Variants in VPS13B observed in about 807,000 individuals in gnomAD.
VPS13B encodes the protein vacuolar protein sorting 13 homolog B.
Under a neutral mutation model 426.4 loss-of-function variants are expected in VPS13B, and 285 were observed. That is an observed-to-expected ratio of 0.67 (90% confidence interval 0.61 to 0.74). The LOEUF (loss-of-function observed/expected upper bound fraction) is 0.74. VPS13B is among the 30% of genes least tolerant of loss of function. The pLI, the probability that VPS13B is intolerant of heterozygous loss-of-function variation, is 0.00. For synonymous variants in VPS13B, 1,676 were observed against 1,676.4 expected, an observed-to-expected ratio of 1.00 and a Z score of 0.01; for missense variants, 4,537 against 4,782.6, an observed-to-expected ratio of 0.95 and a Z score of 1.51.
At chr8:99,621,144 T>C (rs2133892627) in intron 33 of VPS13B, among the ~76,000 whole-genome samples, 1 of 152,276 alleles carries the variant, frequency 6.6e-6, no homozygotes, top group South Asian at 2.1e-4. Context: ...TTGTTGTTGG[T>C]TTAAGAGCAC....
chr8:99,014,023 G>T, intron 2 of VPS13B, 88 bp downstream of exon 2: 1 of 1,472,052 alleles, frequency 6.8e-7, no homozygotes, highest in Non-Finnish European at 9.2e-7. Context: ...ACTTTATGCT[G>T]TAAAAACGTA....
At chr8:99,293,779 AC>A (rs1194935574) in intron 19 of VPS13B, among the ~76,000 whole-genome samples, 6 of 152,274 alleles carry the variant, frequency 3.9e-5, no homozygotes, top group African/African-American at 1.2e-4. Context: ...GCCAAAAAAT[AC>A]ATGAAAAAAT....
In VPS13B at chr8:99,837,966, G is replaced by T. The variant is rs569052908; in HGVS notation, c.9942+2228G>T. Among the ~76,000 whole-genome samples the T allele has an allele frequency of 4.5e-4, 69 of 152,294 alleles. 2 individuals carry two copies. In the South Asian group the frequency reaches 0.011, roughly 25 times the overall value. On this transcript the variant is annotated intron_variant, in intron 54 of 61. Transcript: ENST00000357162. ...AACTCCTTTAACTTTTTTCAGTCAA[G>T]CCCTCTGCTTCCATTGTATAAATAA...
Position 99,868,386 on chromosome 8 carries a change from G to T in VPS13B, c.11313G>T (p.Ser3771=), listed in dbSNP as rs753931096. ...GACACAAGGCCAAGGGTGTCATCTCGGGTGTGGGGAAAGGAATCATGGGGG... is the reference window on the plus strand; with the variant it reads ...GACACAAGGCCAAGGGTGTCATCTCTGGTGTGGGGAAAGGAATCATGGGGG... The part of the protein sequence containing the change: ...SAGHKAKGVI[S]GVGKGIMGVF... Residue 3771 remains serine, a synonymous_variant, in exon 59 of 62, where the codon TCG becomes TCT. Coordinates refer to ENST00000357162, the MANE Select transcript of VPS13B (RefSeq NM_152564.5). The T allele has an allele frequency of 1.2e-6, 2 of 1,614,146 alleles. No homozygotes were observed. Among genetic ancestry groups the T allele is most frequent in the East Asian group, 4.5e-5 (2 of 44,880 alleles).
chr8:99,809,900 G>A (rs1033624319), intron 44 of VPS13B, among the ~76,000 whole-genome samples: 102 of 152,118 alleles, frequency 6.7e-4, no homozygotes, highest in African/African-American at 2.3e-3. Flanking sequence ...ATCCACCAGC[G>A]GATAACCAAG....
intron 2 of VPS13B, among the ~76,000 whole-genome samples, chr8:99,022,818 G>T (rs1353581042): frequency 6.6e-6 from 1 of 151,844 alleles, no homozygotes; most frequent in African/African-American, 2.4e-5. Context: ...TTAGTATCAT[G>T]AATCTCATTG....
intron 51 of VPS13B, among the ~76,000 whole-genome samples, chr8:99,831,143 G>A (rs944406980): frequency 6.7e-6 from 1 of 148,430 alleles, no homozygotes; most frequent in African/African-American, 2.5e-5. Context: ...CATGATCTTG[G>A]CTCACTTCAA....
intron 34 of VPS13B, among the ~76,000 whole-genome samples, chr8:99,647,554 G>C (rs956496407): frequency 6.7e-6 from 1 of 149,072 alleles, no homozygotes; most frequent in African/African-American, 2.5e-5. Flanking sequence ...ACTCCAGCCT[G>C]GGCGAGAGAG....
At chr8:99,207,355 A>G (rs1814789645) in intron 17 of VPS13B, among the ~76,000 whole-genome samples, 1 of 152,184 alleles carries the variant, frequency 6.6e-6, no homozygotes, top group African/African-American at 2.4e-5. Context: ...TTAAAGACAC[A>G]CTTAGAATGT....
intron 21 of VPS13B, among the ~76,000 whole-genome samples, chr8:99,427,906 C>A (rs999446904): frequency 1.3e-5 from 2 of 152,084 alleles, no homozygotes; most frequent in African/African-American, 4.8e-5. Flanking sequence ...GCTACAGTAA[C>A]CAAAACAGCA....
chr8:99,772,061 T>C (rs961013320), intron 40 of VPS13B, among the ~76,000 whole-genome samples: 6 of 152,206 alleles, frequency 3.9e-5, no homozygotes, highest in African/African-American at 1.2e-4. Flanking sequence ...CTCCAGGGAG[T>C]TGGCCTTTGC....
At chr8:99,092,717 G>T (rs1249156726) in intron 3 of VPS13B, among the ~76,000 whole-genome samples, 1 of 151,972 alleles carries the variant, frequency 6.6e-6, no homozygotes, top group Non-Finnish European at 1.5e-5. Context: ...TATATACATT[G>T]TCAAAGTTTC....
intron 39 of VPS13B, among the ~76,000 whole-genome samples, chr8:99,750,585 G>C (rs562351580): frequency 6.6e-6 from 1 of 152,214 alleles, no homozygotes; most frequent in East Asian, 1.9e-4. Context: ...AAGAGCAGGA[G>C]ACCTTTGTAG....
At chr8:99,389,065 C>A (rs1328473384) in intron 20 of VPS13B, among the ~76,000 whole-genome samples, 1 of 152,074 alleles carries the variant, frequency 6.6e-6, no homozygotes, top group Non-Finnish European at 1.5e-5. Flanking sequence ...AGGAGAATCG[C>A]TTGAACCCGG....
At chr8:99,025,321 A>G (rs1056151832) in intron 2 of VPS13B, among the ~76,000 whole-genome samples, 4 of 152,090 alleles carry the variant, frequency 2.6e-5, no homozygotes, top group Non-Finnish European at 2.9e-5. Context: ...CTTCAGTACT[A>G]TGTTGAATAA....
At chr8:99,282,620 T>C (rs1194971178) in intron 19 of VPS13B, among the ~76,000 whole-genome samples, 1 of 152,218 alleles carries the variant, frequency 6.6e-6, no homozygotes, top group Non-Finnish European at 1.5e-5. Context: ...TTAGCTGTAG[T>C]CACTTGTGCA....
At chr8:99,609,695 A>T (rs1008870655) in intron 33 of VPS13B, among the ~76,000 whole-genome samples, 1 of 152,208 alleles carries the variant, frequency 6.6e-6, no homozygotes, top group Non-Finnish European at 1.5e-5. Flanking sequence ...TATTAAAAAG[A>T]TGTTTATTAA....
intron 3 of VPS13B, among the ~76,000 whole-genome samples, chr8:99,079,969 T>A (rs1413644939): frequency 2.0e-5 from 3 of 151,176 alleles, no homozygotes; most frequent in Non-Finnish European, 4.4e-5. Flanking sequence ...AATTGCCTGT[T>A]CAAGTTTTTT....
intron 28 of VPS13B, chr8:99,507,646 G>A (rs1018560775): frequency 2.4e-5 from 35 of 1,447,848 alleles, no homozygotes; most frequent in African/African-American, 1.4e-4. Context: ...CATACCTAGC[G>A]GTTGCTCAAA....
Sources: gnomAD v4.1 joint callset for allele counts (sites outside exome capture counted in the v4.1 genomes callset) on GRCh38, gnomAD v4.1.1 for gene constraint, MANE v1.5 for transcripts, NCBI Gene and HGNC (gene_info 2026-07-23, HGNC 2026-07-21) for gene names.